Variants in OSBPL9 observed in about 807,000 individuals in gnomAD.
OSBPL9 encodes the protein oxysterol-binding protein-related protein 9.
OSBPL9 carries 40 observed loss-of-function variants against 106.6 expected under a neutral mutation model. The observed-to-expected ratio is 0.38, with a 90% CI of 0.29 to 0.49. The LOEUF is 0.49. Among genes scored for constraint, OSBPL9 ranks in the 20% least tolerant of loss-of-function variants. The pLI, the probability that OSBPL9 is intolerant of heterozygous loss-of-function variation, is 0.97. For synonymous variants in OSBPL9, 269 were observed against 295.4 expected, an observed-to-expected ratio of 0.91 and a Z score of 0.92; for missense variants, 609 against 887.2, an observed-to-expected ratio of 0.69 and a Z score of 3.98.
chr1:51,671,400 C>T (rs1649836319), intron 3 of OSBPL9, among the ~76,000 whole-genome samples: 1 of 152,002 alleles, frequency 6.6e-6, no homozygotes, highest in Admixed American at 6.5e-5. Flanking sequence ...TTATTGAATA[C>T]ACCAGTTTTT....
At chr1:51,645,843 A>C (rs1482940543) in intron 1 of OSBPL9, among the ~76,000 whole-genome samples, 2 of 151,880 alleles carry the variant, frequency 1.3e-5, no homozygotes, top group Non-Finnish European at 2.9e-5. Flanking sequence ...TCTTTTACAT[A>C]TGGTTTAATC....
chr1:51,744,372 C>T (rs560050307), intron 4 of OSBPL9, among the ~76,000 whole-genome samples: 79 of 152,300 alleles, frequency 5.2e-4, no homozygotes, highest in African/African-American at 1.8e-3. Flanking sequence ...TTAGTGAATG[C>T]ACTAGAATTA....
rs776695450 is a variant in OSBPL9 at position 51,789,197 on chromosome 1, A to AAAT, written c.*1410_*1412dup. ...ATAAAATACAAACAAACACATTTTA[A>AAAT]AATACACATTGCTTCAGGCCAACGT... is the stretch of plus-strand genomic sequence containing the variant. On this transcript the variant is annotated 3_prime_UTR_variant, in exon 24 of 24. Transcript: ENST00000428468. 1.5e-5 allele frequency: 24 copies of AAAT among 1,566,638 alleles called. No homozygotes were observed. In the African/African-American group the frequency reaches 2.4e-4, roughly 16 times the overall value.
chr1:51,540,668 T>A, the OSBPL9 span, among the ~76,000 whole-genome samples: 1 of 136,936 alleles, frequency 7.3e-6, no homozygotes, highest in South Asian at 2.3e-4. Context: ...AAAAAAAAAT[T>A]TTTTTTGTTG....
chr1:51,569,757 G>C, the OSBPL9 span: 1 of 152,192 alleles, frequency 6.6e-6, no homozygotes, highest in East Asian at 1.9e-4. Context: ...AGACCTAGAA[G>C]CAGAAAGCAC....
intron 1 of OSBPL9, among the ~76,000 whole-genome samples, chr1:51,593,628 C>G (rs529898720): frequency 6.6e-6 from 1 of 152,304 alleles, no homozygotes; most frequent in East Asian, 1.9e-4. Context: ...CGCCTTCTCC[C>G]TGAAGCTTTC....
intron 1 of OSBPL9, among the ~76,000 whole-genome samples, chr1:51,592,943 G>A (rs1363571615): frequency 3.3e-5 from 5 of 152,164 alleles, no homozygotes; most frequent in Non-Finnish European, 7.3e-5. Context: ...GGGCCCTCAA[G>A]CTAGCAGTCA....
chr1:51,717,881 A>G (rs1661356853), intron 4 of OSBPL9, among the ~76,000 whole-genome samples: 1 of 152,214 alleles, frequency 6.6e-6, no homozygotes, highest in East Asian at 1.9e-4. Context: ...AAGAAAGGCA[A>G]TCAATATACG....
At chr1:51,603,366 C>A (rs1645332775) in intron 2 of OSBPL9, among the ~76,000 whole-genome samples, 1 of 152,096 alleles carries the variant, frequency 6.6e-6, no homozygotes, top group Admixed American at 6.5e-5. Context: ...TTACTGAGGC[C>A]AAAGCGAATG....
upstream of OSBPL9, among the ~76,000 whole-genome samples, chr1:51,573,664 A>T (rs1645166026): frequency 6.6e-6 from 1 of 151,514 alleles, no homozygotes; most frequent in South Asian, 2.1e-4. Flanking sequence ...AAATATAAAC[A>T]TTAGCTGAGC....
intron 8 of OSBPL9, among the ~76,000 whole-genome samples, chr1:51,751,702 G>A (rs116781462): frequency 1.5e-3 from 232 of 152,308 alleles, no homozygotes; most frequent in Non-Finnish European, 2.7e-3. Flanking sequence ...GATTGGGGAA[G>A]CAGAGGAGCT....
rs753045869 is a variant in OSBPL9 at position 51,787,461 on chromosome 1, G to A, written c.2109G>A (p.Lys703=). ...AAAGAGCAGAAGCCCGAGAAAGGAA[G>A]GAGAAGGAAATTCAGTGGGAGACAA... ...ERQRAEARER[K]EKEIQWETRL... is the part of the protein sequence containing the mutation. Residue 703 remains lysine, a synonymous_variant, in exon 23 of 24, where the codon AAG becomes AAA. Transcript: ENST00000428468. 1.5e-5 allele frequency: 24 copies of A among 1,613,922 alleles called. No individual in the cohort carries two copies. The East Asian group carries it at 5.1e-4, about 34-fold the overall frequency.
rs1482581986 is a variant in OSBPL9 at position 51,787,822 on chromosome 1, A to G, written c.*33A>G. Reference sequence around the variant, plus strand: ...GATGCAAAGTTTATACCTGATGATCAGGGCAGTAGGCATAATTCAGCAACA... The same window carrying G: ...GATGCAAAGTTTATACCTGATGATCGGGGCAGTAGGCATAATTCAGCAACA... On this transcript the variant is annotated 3_prime_UTR_variant, in exon 24 of 24. Transcript: ENST00000428468. 6 of 1,541,736 alleles carry G rather than the reference A, an allele frequency of 3.9e-6. No individual in the cohort carries two copies. In the African/African-American group the frequency reaches 6.8e-5, roughly 18 times the overall value.
chr1:51,727,153 T>A (rs1663266049), intron 4 of OSBPL9, among the ~76,000 whole-genome samples: 1 of 142,094 alleles, frequency 7.0e-6, no homozygotes, highest in Admixed American at 7.0e-5. Context: ...TTTTTTTTTT[T>A]ACTGGCTTAG....
chr1:51,683,842 G>T (rs909174427), intron 3 of OSBPL9, among the ~76,000 whole-genome samples: 7 of 151,866 alleles, frequency 4.6e-5, no homozygotes, highest in African/African-American at 1.5e-4. Context: ...TGAACCTGAA[G>T]GACATTATTC....
chr1:51,707,999 C>T (rs1658967934), intron 3 of OSBPL9: 2 of 244,726 alleles, frequency 8.2e-6, no homozygotes, highest in African/African-American at 2.3e-5. Context: ...TGGGTGGAGT[C>T]ATACTGGAAC....
chr1:51,617,020 CGCCCCGCCCCCTGCG>C (rs1553150335), upstream of OSBPL9: 14 of 1,495,512 alleles, frequency 9.4e-6, no homozygotes, highest in Admixed American at 4.1e-5. Flanking sequence ...GCCCAGGACC[CGCCCCGCCCCCTGCG>C]GCCCCGCCCC....
At chr1:51,705,438 A>C (rs941620642) in intron 3 of OSBPL9, among the ~76,000 whole-genome samples, 6 of 63,608 alleles carry the variant, frequency 9.4e-5, no homozygotes, top group Non-Finnish European at 1.6e-4. Flanking sequence ...TTTGAGACGG[A>C]GTTTCGCTCT....
chr1:51,661,868 G>A (rs969544012), intron 2 of OSBPL9, among the ~76,000 whole-genome samples: 5 of 152,138 alleles, frequency 3.3e-5, no homozygotes, highest in African/African-American at 1.2e-4. Flanking sequence ...GAGAAATTGG[G>A]GCAATTGGTA....
Sources: allele counts gnomAD v4.1 joint callset (sites outside exome capture counted in the v4.1 genomes callset), GRCh38; gene constraint gnomAD v4.1.1; transcripts MANE v1.5; gene names NCBI Gene and HGNC (gene_info 2026-07-23, HGNC 2026-07-21).